The following SOX6 variants were observed in gnomAD, a reference collection of about 807,000 sequenced individuals.
The protein encoded by SOX6 is SRY-box transcription factor 6, also known as transcription factor SOX-6.
A neutral mutation model predicts 97.8 loss-of-function variants in SOX6; 11 were observed. The ratio of observed to expected loss-of-function variants is 0.11; its 90% confidence interval spans 0.07 to 0.19. The LOEUF is 0.19. Among genes scored for constraint, SOX6 ranks in the 10% least tolerant of loss-of-function variants. The pLI is 1.00. For synonymous variants in SOX6, 360 were observed against 371.4 expected (o/e 0.97, Z 0.35); for missense variants, 810 against 1,039.5 (o/e 0.78, Z 3.04).
At chr11:16,022,481 G>A (rs1010957179) in intron 12 of SOX6, among the ~76,000 whole-genome samples, 2 of 150,864 alleles carry the variant, frequency 1.3e-5, no homozygotes, top group Middle Eastern at 3.4e-3. Flanking sequence ...GCATGATCTC[G>A]GCTCACTGCA....
chr11:16,171,730 G>A (rs1432764287), intron 6 of SOX6, among the ~76,000 whole-genome samples: 2 of 151,666 alleles, frequency 1.3e-5, no homozygotes, highest in African/African-American at 4.8e-5. Flanking sequence ...AACATTATAT[G>A]GTTCTGTTTT....
intron 4 of SOX6, among the ~76,000 whole-genome samples, chr11:16,516,569 A>T (rs1372166489): frequency 6.6e-6 from 1 of 152,096 alleles, no homozygotes; most frequent in Non-Finnish European, 1.5e-5. Context: ...AACAAACTAG[A>T]AAATCTAGAA....
intron 1 of SOX6, among the ~76,000 whole-genome samples, chr11:16,415,094 T>A (rs1229300122): frequency 6.6e-6 from 1 of 152,132 alleles, no homozygotes; most frequent in Non-Finnish European, 1.5e-5. Context: ...TATTTTTATT[T>A]TGCAAATGAG....
At chr11:16,571,954 G>A (rs1350456286) in intron 4 of SOX6, among the ~76,000 whole-genome samples, 4 of 152,134 alleles carry the variant, frequency 2.6e-5, no homozygotes, top group Admixed American at 6.5e-5. Context: ...TTCCCAGTCC[G>A]ACATTCAGTT....
chr11:16,032,078 G>A (rs144788139), intron 12 of SOX6, among the ~76,000 whole-genome samples: 4 of 152,096 alleles, frequency 2.6e-5, no homozygotes, highest in Non-Finnish European at 5.9e-5. Flanking sequence ...TTTCATCTCC[G>A]TAAGAGTAAC....
rs1369847266 is a variant in SOX6, at chr11:16,730,220, T to C, written n.353+6119A>G. Among the ~76,000 whole-genome samples the C allele has an allele frequency of 3.3e-5, 5 of 152,064 alleles. No homozygotes were observed. In the East Asian group the frequency reaches 9.6e-4, roughly 29 times the overall value. ...AAAATTAACAAGGATATTCAGGACT[T>C]GAACTCAGCTCTGGATCAAGCCGAC... is the stretch of plus-strand genomic sequence containing the variant. On this transcript the variant is annotated intron_variant and non_coding_transcript_variant, in intron 2 of 5. Coordinates refer to the SOX6 transcript ENST00000524520.
chr11:16,369,640 T>C (rs1418907509), intron 1 of SOX6, among the ~76,000 whole-genome samples: 1 of 152,194 alleles, frequency 6.6e-6, no homozygotes, highest in African/African-American at 2.4e-5. Context: ...TGGCTTAAAA[T>C]GTAGTGAGTG....
chr11:16,619,952 T>G (rs1848521116), intron 3 of SOX6, among the ~76,000 whole-genome samples: 1 of 152,138 alleles, frequency 6.6e-6, no homozygotes, highest in South Asian at 2.1e-4. Flanking sequence ...GTATTTGACT[T>G]TATTCTATTA....
At chr11:16,069,761 C>G (rs192310680) in intron 9 of SOX6, among the ~76,000 whole-genome samples, 4 of 152,118 alleles carry the variant, frequency 2.6e-5, no homozygotes, top group Admixed American at 2.0e-4. Context: ...TCACAACAAC[C>G]AAAAGAAAAA....
Position 16,610,794 on chromosome 11 carries a change from A to G in SOX6, n.609+1287T>C, listed in dbSNP as rs1237751909. Among the ~76,000 whole-genome samples the G allele has an allele frequency of 6.6e-6, 1 of 152,100 alleles. No individual in the cohort carries two copies. The highest frequency in any genetic ancestry group is 1.5e-5 in the Non-Finnish European group (1 of 68,014). The stretch of plus-strand genomic sequence containing the variant: ...GCTGGCTATACCAATGAAGAGGGAG[A>G]GGCGGAGAGCGCAGCAGCCTGCTAA... On this transcript the variant is annotated intron_variant and non_coding_transcript_variant, in intron 4 of 5. Transcript: ENST00000524520. This position sits in a 1 kb window ranked among gnomAD's most constrained non-coding sequence, Gnocchi z 4.4.
At chr11:16,497,063 C>T (rs1860612390) in intron 4 of SOX6, among the ~76,000 whole-genome samples, 2 of 152,172 alleles carry the variant, frequency 1.3e-5, no homozygotes, top group Admixed American at 6.5e-5. Context: ...CTGGGAGGCA[C>T]CCCCAGTAGG....
chr11:16,004,697 C>T (rs894018625), intron 13 of SOX6, among the ~76,000 whole-genome samples: 7 of 151,854 alleles, frequency 4.6e-5, no homozygotes, highest in Non-Finnish European at 1.0e-4. Flanking sequence ...TTAAAATTTT[C>T]TGCTTTTTAA....
At chr11:16,708,851 C>T (rs563533125) in intron 3 of SOX6, among the ~76,000 whole-genome samples, 2 of 152,164 alleles carry the variant, frequency 1.3e-5, no homozygotes, top group South Asian at 4.2e-4. Flanking sequence ...CTTTTTCACA[C>T]AAAAAAATTC....
chr11:16,531,649 T>C (rs1307749169), intron 4 of SOX6, among the ~76,000 whole-genome samples: 3 of 151,918 alleles, frequency 2.0e-5, no homozygotes, highest in Non-Finnish European at 4.4e-5. Flanking sequence ...ACTCTAAATA[T>C]ACCTTTCATA....
intron 4 of SOX6, among the ~76,000 whole-genome samples, chr11:16,228,099 A>C (rs1400472780): frequency 2.0e-5 from 3 of 151,788 alleles, no homozygotes; most frequent in Middle Eastern, 3.2e-3. Context: ...TCAGGAGGCT[A>C]AGGCAGGAGA....
intron 4 of SOX6, among the ~76,000 whole-genome samples, chr11:16,538,497 G>T (rs1861345443): frequency 6.6e-6 from 1 of 151,854 alleles, no homozygotes; most frequent in Non-Finnish European, 1.5e-5. Context: ...AATGTAAATG[G>T]GCTAAATGCC....
rs557105252 is a variant in SOX6 at position 16,500,160 on chromosome 11, G to A, written n.610-23772C>T. Among the ~76,000 whole-genome samples, 8 of 152,168 alleles carry A rather than the reference G, an allele frequency of 5.3e-5. No homozygotes were observed. The South Asian group carries it at 6.2e-4, about 12-fold the overall frequency. ...GGGATGCAAGGCTGGTTCAACATGC[G>A]CAAATCAATAAACGGAATCCAGCAT... On this transcript the variant is annotated intron_variant and non_coding_transcript_variant, in intron 4 of 5. Transcript: ENST00000524520.
At chr11:16,396,240 C>A (rs1858350299) in intron 1 of SOX6, among the ~76,000 whole-genome samples, 1 of 151,620 alleles carries the variant, frequency 6.6e-6, no homozygotes. Flanking sequence ...GCACACAGAG[C>A]TCAATAAATG....
chr11:16,508,622 T>TAA (rs113250792), intron 4 of SOX6, among the ~76,000 whole-genome samples: 9 of 148,934 alleles, frequency 6.0e-5, no homozygotes, highest in South Asian at 4.3e-4. Flanking sequence ...ACATGAGAGG[T>TAA]AAAAAAAAAA....
Sources: allele counts gnomAD v4.1 joint callset (sites outside exome capture counted in the v4.1 genomes callset), GRCh38; gene constraint gnomAD v4.1.1; non-coding constraint Gnocchi (gnomAD v3.1); transcripts MANE v1.5; gene names NCBI Gene and HGNC (gene_info 2026-07-23, HGNC 2026-07-21).